The following CCDC6 variants were observed in gnomAD, a reference collection of about 807,000 sequenced individuals.
CCDC6 encodes coiled-coil domain-containing protein 6.
A neutral mutation model predicts 56.6 loss-of-function variants in CCDC6; 20 were observed. The ratio of observed to expected loss-of-function variants is 0.35; its 90% confidence interval spans 0.25 to 0.51. The LOEUF is 0.51. CCDC6 is among the 20% of genes least tolerant of loss of function. The pLI, the probability that CCDC6 is intolerant of heterozygous loss-of-function variation, is 0.95. For synonymous variants in CCDC6, 241 were observed against 234.4 expected (o/e 1.03, Z -0.26); for missense variants, 367 against 601.1 (o/e 0.61, Z 4.07).
intron 6 of CCDC6, chr10:59,805,058 C>T (rs1479786168): frequency 6.4e-6 from 1 of 155,428 alleles, no homozygotes; most frequent in Non-Finnish European, 1.4e-5. Flanking sequence ...GTACTGAACA[C>T]CTACAGCAGG....
intron 2 of CCDC6, among the ~76,000 whole-genome samples, chr10:59,844,000 T>A (rs2070966317): frequency 6.6e-6 from 1 of 152,166 alleles, no homozygotes; most frequent in Non-Finnish European, 1.5e-5. Flanking sequence ...GCCCTCTGAA[T>A]AAAAGCAGCC....
At chr10:59,817,888 C>T (rs2070720305) in intron 3 of CCDC6, among the ~76,000 whole-genome samples, 1 of 152,158 alleles carries the variant, frequency 6.6e-6, no homozygotes, top group Non-Finnish European at 1.5e-5. Flanking sequence ...TAGCTGTCTT[C>T]AGTCGGGGCT....
chr10:59,821,038 G>C (rs1366681976), intron 3 of CCDC6, among the ~76,000 whole-genome samples: 1 of 152,086 alleles, frequency 6.6e-6, no homozygotes, highest in East Asian at 1.9e-4. Context: ...AGATGTTCAA[G>C]TGTTCAAAGT....
chr10:59,899,701 G>A (rs747502493), intron 1 of CCDC6, among the ~76,000 whole-genome samples: 1 of 152,166 alleles, frequency 6.6e-6, no homozygotes, highest in African/African-American at 2.4e-5. Context: ...CCAAAACCAA[G>A]GCAGCAAATC....
intron 7 of CCDC6, among the ~76,000 whole-genome samples, chr10:59,796,002 T>C (rs1196071427): frequency 1.3e-5 from 2 of 152,196 alleles, no homozygotes; most frequent in African/African-American, 4.8e-5. Context: ...AGTAATGGGA[T>C]GGCTGGGTCA....
At position 59,906,530 on chromosome 10, in the gene CCDC6, C is replaced by G. The variant is rs1352521745; in HGVS notation, c.-106G>C. Reference sequence around the variant, plus strand: ...CGGGCGAGCACAGGGGAGCGCCGAGCTGAGCGCCTGGCACCAGGGCGCAGA... The same window carrying G: ...CGGGCGAGCACAGGGGAGCGCCGAGGTGAGCGCCTGGCACCAGGGCGCAGA... On this transcript the variant is annotated 5_prime_UTR_variant, in exon 1 of 9. Transcript: ENST00000263102. 3.0e-6 allele frequency: 3 copies of G among 1,006,098 alleles called. No individual in the cohort carries two copies. The East Asian group carries it at 9.3e-5, about 31-fold the overall frequency. 62.3% of individuals were successfully genotyped at this position (1,006,098 alleles called of 1,614,324 possible). A position where few individuals can be genotyped will look rare whatever the true frequency, so the allele number is the denominator to read the frequency against.
intron 7 of CCDC6, among the ~76,000 whole-genome samples, chr10:59,795,583 A>C (rs1422370847): frequency 6.6e-6 from 1 of 151,100 alleles, no homozygotes; most frequent in Non-Finnish European, 1.5e-5. Flanking sequence ...TTAACTCGTT[A>C]TTTAGCATTA....
chr10:59,804,352 C>G (rs1324354419), intron 7 of CCDC6, 68 bp downstream of exon 7: 1 of 893,982 alleles, frequency 1.1e-6, no homozygotes, highest in Non-Finnish European at 1.9e-6. Context: ...TAGAAGGGAA[C>G]ACAGTCAGGG....
chr10:59,862,554 CACATATAT>C lies in CCDC6; in HGVS notation c.304-9860_304-9853del, dbSNP rs1347879481. ...ACACACACACACACACACACACACA[CACATATAT>C]ATACACATACACACACACACACATA... On this transcript the variant is annotated intron_variant, in intron 1 of 8. Transcript: ENST00000263102. Among the ~76,000 whole-genome samples, 105 of 104,302 alleles carry C rather than the reference CACATATAT, an allele frequency of 1.0e-3. 3 individuals carry two copies. Among genetic ancestry groups the C allele is most frequent in the African/African-American group, 5.8e-3 (105 of 18,194 alleles). The allele number at this position is 104,302 out of a possible 152,430, so 68.4% of individuals were successfully genotyped here.
chr10:59,901,013 G>A (rs961230673), intron 1 of CCDC6, among the ~76,000 whole-genome samples: 1 of 151,900 alleles, frequency 6.6e-6, no homozygotes, highest in East Asian at 1.9e-4. Context: ...AACTGAGATC[G>A]CACCACTGCA....
chr10:59,859,816 C>A (rs1474038737), intron 1 of CCDC6, among the ~76,000 whole-genome samples: 1 of 152,178 alleles, frequency 6.6e-6, no homozygotes, highest in Non-Finnish European at 1.5e-5. Context: ...ACAGAAACCA[C>A]CTCTTTGGGA....
chr10:59,860,835 G>A (rs1464759065), intron 1 of CCDC6, among the ~76,000 whole-genome samples: 1 of 152,060 alleles, frequency 6.6e-6, no homozygotes, highest in African/African-American at 2.4e-5. Context: ...ATCACTTGAG[G>A]TTCAGGAGTT....
chr10:59,807,601 A>G (rs2070637182), intron 5 of CCDC6, among the ~76,000 whole-genome samples: 2 of 152,236 alleles, frequency 1.3e-5, no homozygotes, highest in Non-Finnish European at 2.9e-5. Flanking sequence ...CATTTAGAAA[A>G]AAATATAAAA....
intron 7 of CCDC6, among the ~76,000 whole-genome samples, chr10:59,797,936 T>G (rs141722340): frequency 6.6e-6 from 1 of 152,312 alleles, no homozygotes; most frequent in African/African-American, 2.4e-5. Context: ...GTTAGACAGG[T>G]TTGGATTGGG....
chr10:59,847,997 G>A (rs1457455995), intron 2 of CCDC6, among the ~76,000 whole-genome samples: 1 of 151,960 alleles, frequency 6.6e-6, no homozygotes, highest in Non-Finnish European at 1.5e-5. Context: ...AGGTACTCCA[G>A]CGCCCTCCCA....
rs1282575801 is a variant in CCDC6 at position 59,823,352 on chromosome 10, AC to A, written c.583-8598del. Among the ~76,000 whole-genome samples the A allele has an allele frequency of 3.9e-5, 6 of 151,982 alleles. No individual in the cohort carries two copies. In the East Asian group the frequency reaches 9.7e-4, roughly 24 times the overall value. On this transcript the variant is annotated intron_variant, in intron 3 of 8. Transcript: ENST00000263102. Reference sequence around the variant, plus strand: ...CTCTGGGGCTTCAGGAGTTACAGGCACCCCCGCCTAGATGCTGCTACGGGGC... The same window carrying A: ...CTCTGGGGCTTCAGGAGTTACAGGCACCCCGCCTAGATGCTGCTACGGGGC...
At chr10:59,810,690 ATT>A (rs1472103906) in intron 5 of CCDC6, among the ~76,000 whole-genome samples, 1 of 152,140 alleles carries the variant, frequency 6.6e-6, no homozygotes, top group African/African-American at 2.4e-5. Flanking sequence ...TTATATATAT[ATT>A]TTTTTAATAT....
At chr10:59,807,920 A>G (rs887269751) in intron 5 of CCDC6, among the ~76,000 whole-genome samples, 23 of 152,220 alleles carry the variant, frequency 1.5e-4, no homozygotes, top group Admixed American at 1.3e-3. Flanking sequence ...ACATGTGATA[A>G]CAGTTAACAT....
At chr10:59,812,348 T>C (rs2070680734) in intron 5 of CCDC6, among the ~76,000 whole-genome samples, 2 of 152,134 alleles carry the variant, frequency 1.3e-5, no homozygotes, top group African/African-American at 2.4e-5. Context: ...ATCCTAGAGA[T>C]AAACATGGCA....
Sources: gnomAD v4.1 joint callset for allele counts (sites outside exome capture counted in the v4.1 genomes callset) on GRCh38, gnomAD v4.1.1 for gene constraint, MANE v1.5 for transcripts, NCBI Gene and HGNC (gene_info 2026-07-23, HGNC 2026-07-21) for gene names.